OGFOD2: variants seen among roughly 807,000 people sequenced by gnomAD.
OGFOD2 encodes 2-oxoglutarate and iron-dependent oxygenase domain-containing protein 2.
In OGFOD2, 34 loss-of-function variants were observed where a neutral mutation model predicts 31.1. The ratio of observed to expected loss-of-function variants is 1.09; its 90% confidence interval spans 0.83 to 1.45. OGFOD2 has a LOEUF of 1.45. OGFOD2 is among the 40% of genes most tolerant of loss of function. OGFOD2 has a pLI of 0.00. For missense variants in OGFOD2, 537 were observed against 433.9 expected, an observed-to-expected ratio of 1.24 and a Z score of -2.11; for synonymous variants, 240 against 192.3, an observed-to-expected ratio of 1.25 and a Z score of -2.05.
chr12:122,975,725 AT>A, intron 1 of OGFOD2, 85 bp from the exon 2 acceptor site: 1 of 675,872 alleles, frequency 1.5e-6, no homozygotes, highest in Non-Finnish European at 2.8e-6. Flanking sequence ...TCCTCTCCCC[AT>A]TTTAAGCAGG....
At chr12:122,977,003 A>G in intron 4 of OGFOD2, 33 bp downstream of exon 4, 1 of 1,591,978 alleles carries the variant, frequency 6.3e-7, no homozygotes, top group East Asian at 2.2e-5. Flanking sequence ...TGGCAGGACC[A>G]GGGAATGGCA....
chr12:122,978,244 G>GA (rs1247830451), intron 4 of OGFOD2, 198 bp from the exon 5 acceptor site: 1 of 609,282 alleles, frequency 1.6e-6, no homozygotes, highest in East Asian at 3.1e-5. Flanking sequence ...AGAGTCTGGG[G>GA]AAAGGTTCCG....
In OGFOD2 at chr12:122,979,311, G is replaced by A. The variant is rs368841549; in HGVS notation, c.1018G>A (p.Glu340Lys). The A allele has an allele frequency of 3.8e-5, 62 of 1,612,194 alleles. No individual in the cohort carries two copies. The highest frequency in any genetic ancestry group is 5.3e-5 in the Non-Finnish European group (62 of 1,179,818). Residue 340 changes from glutamate to lysine, a missense_variant, in exon 7 of 7, where the codon GAG (glutamate) becomes AAG (lysine). Physicochemically the swap from Glu to Lys is moderately conservative, Grantham distance 56. Transcript: ENST00000228922. ...CTTCGGTGATGGCTTCACCCGAGAG[G>A]AGCCCGCCACGGTGGATGTATGTGC...
intron 2 of OGFOD2, 190 bp from the exon 3 acceptor site, chr12:122,976,464 C>T (rs2037434270): frequency 1.3e-6 from 2 of 1,562,464 alleles, no homozygotes; most frequent in Admixed American, 1.7e-5. Context: ...CAGGATGGGT[C>T]CCCTTCTAGA....
exon 7 of OGFOD2, chr12:122,979,680 T>C: frequency 3.2e-6 from 1 of 314,014 alleles, no homozygotes; most frequent in Non-Finnish European, 6.0e-6. Context: ...CACCGGTTAC[T>C]GGCTCCTGGA....
chr12:122,976,554 C>A, intron 2 of OGFOD2, 100 bp from the exon 3 acceptor site: 1 of 1,307,280 alleles, frequency 7.6e-7, no homozygotes, highest in Non-Finnish European at 1.1e-6. Flanking sequence ...GGCTTCCAGC[C>A]TGGGCCCTGT....
exon 7 of OGFOD2, chr12:122,979,321 C>G: frequency 6.2e-7 from 1 of 1,611,468 alleles, no homozygotes; most frequent in Non-Finnish European, 8.5e-7. Context: ...GAGCCCGCCA[C>G]GGTGGATGTA....
chr12:122,977,319 C>T (rs2037464218), intron 4 of OGFOD2: 1 of 347,608 alleles, frequency 2.9e-6, no homozygotes, highest in African/African-American at 2.1e-5. Context: ...GATAAAGGGA[C>T]CAGTAAGGAA....
intron 4 of OGFOD2, chr12:122,977,870 G>T (rs1238146122): frequency 6.4e-6 from 1 of 156,166 alleles, no homozygotes; most frequent in African/African-American, 2.4e-5. Context: ...GCAGGGCCTA[G>T]GCTGCGAGGT....
chr12:122,977,172 T>G (rs754400429), intron 4 of OGFOD2: 1 of 629,278 alleles, frequency 1.6e-6, no homozygotes, highest in South Asian at 1.7e-5. Flanking sequence ...GCCTGGTATC[T>G]TCATTCTTTC....
chr12:122,978,287 C>T, intron 4 of OGFOD2, 155 bp from the exon 5 acceptor site: 2 of 899,082 alleles, frequency 2.2e-6, no homozygotes, highest in Middle Eastern at 2.3e-4. Context: ...ATCGGCCTCC[C>T]CTGCTCCTCA....
At chr12:122,977,091 CT>C (rs2037457098) in intron 4 of OGFOD2, 121 bp downstream of exon 4, 2 of 903,536 alleles carry the variant, frequency 2.2e-6, no homozygotes, top group East Asian at 5.2e-5. Context: ...CCAGCAGGAG[CT>C]GGAAGGGTCA....
intron 4 of OGFOD2, 91 bp from the exon 5 acceptor site, chr12:122,978,351 A>G (rs960934627): frequency 3.3e-6 from 5 of 1,523,228 alleles, no homozygotes; most frequent in African/African-American, 2.8e-5. Flanking sequence ...CCTCATCTCC[A>G]TGGCACAGGT....
At position 122,978,487 on chromosome 12, in the gene OGFOD2, G is replaced by A. The variant is rs2037498270; in HGVS notation, c.449G>A (p.Cys150Tyr). 1 of 1,613,552 alleles carries A rather than the reference G, an allele frequency of 6.2e-7. No individual in the cohort carries two copies. Among genetic ancestry groups the A allele is most frequent in the Admixed American group, 1.7e-5 (1 of 60,032 alleles). ...GTGCCTGTTTTCACAGCGCCCTTCT[G>A]CCAGGCCCTGCTGGAAGAGCTGGAG... Residue 150 changes from cysteine (C) to tyrosine (Y), a missense_variant, in exon 5 of 7, where the codon TGC (cysteine) becomes TAC (tyrosine). Coordinates refer to ENST00000228922, the Ensembl canonical transcript of OGFOD2.
At chr12:122,975,331 GGCT>G (rs2037382228) in exon 1 of OGFOD2, 1 of 702,252 alleles carries the variant, frequency 1.4e-6, no homozygotes, top group Non-Finnish European at 2.6e-6. Flanking sequence ...GCGCGCTATG[GGCT>G]GCACGTGCGC....
intron 4 of OGFOD2, chr12:122,977,232 C>T (rs2037462225): frequency 1.4e-5 from 7 of 492,480 alleles, no homozygotes; most frequent in South Asian, 1.3e-4. Flanking sequence ...ATATTTGTGT[C>T]ATGTGTGGGA....
At chr12:122,977,794 G>T (rs928662858) in intron 4 of OGFOD2, 2 of 155,130 alleles carry the variant, frequency 1.3e-5, no homozygotes, top group East Asian at 3.8e-4. Context: ...CTCCCAGCCT[G>T]GGGGTGCTCT....
At chr12:122,979,251 T>G (rs776837597) in exon 7 of OGFOD2, 22 of 1,612,954 alleles carry the variant, frequency 1.4e-5, no homozygotes, top group Non-Finnish European at 1.9e-5. Context: ...CTGTCCCATG[T>G]GCTGCCGTGA....
exon 3 of OGFOD2, chr12:122,976,712 C>A (rs1184155217): frequency 6.2e-7 from 1 of 1,613,880 alleles, no homozygotes; most frequent in South Asian, 1.1e-5. Context: ...GCTAGGAAAG[C>A]CCTCATCGCG....
Sources: gnomAD v4.1 joint callset for allele counts on GRCh38, gnomAD v4.1.1 for gene constraint, MANE v1.5 for transcripts, NCBI Gene and HGNC (gene_info 2026-07-23, HGNC 2026-07-21) for gene names.